PDZD2: variants seen among roughly 807,000 people sequenced by gnomAD.
PDZD2 encodes the protein PDZ domain containing 2.
In PDZD2, 90 loss-of-function variants were observed where a neutral mutation model predicts 220.7. The observed-to-expected ratio is 0.41, with a 90% confidence interval of 0.34 to 0.49. The LOEUF (loss-of-function observed/expected upper bound fraction) is 0.49. Among genes scored for constraint, PDZD2 ranks in the 20% least tolerant of loss-of-function variants. PDZD2 has a pLI of 0.28. For synonymous variants in PDZD2, 1,375 were observed against 1,450.5 expected, an observed-to-expected ratio of 0.95 and a Z score of 1.18; for missense variants, 3,174 against 3,608.5, an observed-to-expected ratio of 0.88 and a Z score of 3.08.
chr5:31,802,415 A>G (rs923591273), intron 2 of PDZD2, among the ~76,000 whole-genome samples: 12 of 152,176 alleles, frequency 7.9e-5, no homozygotes, highest in African/African-American at 2.9e-4. Context: ...CAAATGTCCT[A>G]TTCGGTGCAA....
chr5:32,055,712 T>A (rs1366474938), intron 10 of PDZD2, among the ~76,000 whole-genome samples: 1 of 152,310 alleles, frequency 6.6e-6, no homozygotes, highest in East Asian at 1.9e-4. Flanking sequence ...GAATCTCCTA[T>A]TTTTTAGGCA....
chr5:32,039,105 T>G (rs1055032438), intron 7 of PDZD2, among the ~76,000 whole-genome samples: 1 of 151,632 alleles, frequency 6.6e-6, no homozygotes, highest in Non-Finnish European at 1.5e-5. Context: ...TCTCCCCCTC[T>G]CCCCCTCTCC....
Position 31,912,044 on chromosome 5 carries a change from G to GGCCCCA in PDZD2, c.477-71095_477-71090dup, listed in dbSNP as rs375168725. On this transcript the variant is annotated intron_variant, in intron 2 of 24. Coordinates refer to ENST00000438447, the MANE Select transcript of PDZD2 (RefSeq NM_178140.4). ...GCCGTACTTAATCCACCCTGGCCCC[G>GGCCCCA]GCCCCAGCCCCAGCCCCAGCCTTGG... is the stretch of plus-strand genomic sequence containing the variant. 4.5e-3 allele frequency among the ~76,000 whole-genome samples: 680 copies of GGCCCCA among 152,152 alleles called. 3 individuals are homozygous for GGCCCCA. Among genetic ancestry groups the GGCCCCA allele is most frequent in the African/African-American group, 0.013 (528 of 41,496 alleles).
chr5:31,850,224 AAG>A (rs1491147417), intron 2 of PDZD2, among the ~76,000 whole-genome samples: 1,927 of 62,016 alleles, frequency 0.031, 59 homozygotes, highest in African/African-American at 0.16. Context: ...GTATATATAT[AAG>A]TATATATATA....
chr5:32,091,885 G>C (rs1743189149), intron 20 of PDZD2, among the ~76,000 whole-genome samples: 2 of 152,176 alleles, frequency 1.3e-5, no homozygotes, highest in African/African-American at 4.8e-5. Flanking sequence ...AGCAACATGA[G>C]AGGGGCATGC....
intron 1 of PDZD2, among the ~76,000 whole-genome samples, chr5:31,794,375 T>C (rs1319693056): frequency 6.6e-6 from 1 of 150,714 alleles, no homozygotes; most frequent in Non-Finnish European, 1.5e-5. Context: ...TATTTAATCA[T>C]AGTTGGTTTC....
rs1363375578 is a variant in PDZD2, at chr5:31,706,056, T to C, written c.-361+66619T>C. ...CACAGAGCGAGACTCCATCTCAAAA[T>C]AACAACACCACCACCAAAAATCCTC... On this transcript the variant is annotated intron_variant, in intron 1 of 24. Coordinates refer to ENST00000438447, the MANE Select transcript of PDZD2 (RefSeq NM_178140.4). 7.9e-5 allele frequency among the ~76,000 whole-genome samples: 12 copies of C among 152,170 alleles called. No individual in the cohort carries two copies. The East Asian group carries it at 2.1e-3, about 27-fold the overall frequency.
At chr5:31,989,213 G>T (rs563126600) in intron 3 of PDZD2, among the ~76,000 whole-genome samples, 2 of 152,026 alleles carry the variant, frequency 1.3e-5, no homozygotes, top group Non-Finnish European at 2.9e-5. Context: ...CCGTTTTCCA[G>T]TCTCCAGTGT....
At chr5:31,988,947 C>T (rs1484841005) in intron 3 of PDZD2, among the ~76,000 whole-genome samples, 2 of 152,192 alleles carry the variant, frequency 1.3e-5, no homozygotes, top group African/African-American at 2.4e-5. Flanking sequence ...CGGTCTCCTG[C>T]GGTACCCTCT....
chr5:31,692,141 G>T (rs1411965107), intron 1 of PDZD2, among the ~76,000 whole-genome samples: 1 of 146,494 alleles, frequency 6.8e-6, no homozygotes, highest in African/African-American at 2.6e-5. Flanking sequence ...CGGGCTGCAG[G>T]TCCCGAGCCC....
intron 2 of PDZD2, among the ~76,000 whole-genome samples, chr5:31,818,666 A>T (rs1755622771): frequency 6.6e-6 from 1 of 152,242 alleles, no homozygotes; most frequent in Non-Finnish European, 1.5e-5. Flanking sequence ...TATTCATTTT[A>T]GAACAACATA....
intron 1 of PDZD2, among the ~76,000 whole-genome samples, chr5:31,735,448 C>G (rs1015789966): frequency 6.6e-6 from 1 of 152,072 alleles, no homozygotes; most frequent in Non-Finnish European, 1.5e-5. Flanking sequence ...TCTGGTAAAG[C>G]TAACCAAGAA....
At chr5:31,762,391 G>C (rs1236065768) in intron 1 of PDZD2, among the ~76,000 whole-genome samples, 4 of 152,226 alleles carry the variant, frequency 2.6e-5, no homozygotes, top group Admixed American at 2.0e-4. Context: ...GGGTTCAAGC[G>C]ATTCTCCTTC....
chr5:31,873,075 A>G (rs77883492), intron 2 of PDZD2, among the ~76,000 whole-genome samples: 1,559 of 152,286 alleles, frequency 0.01, 19 homozygotes, highest in Non-Finnish European at 0.017. Flanking sequence ...ACATATCCCT[A>G]TCATTAAGCA....
intron 2 of PDZD2, chr5:31,908,463 T>C (rs1181689637): frequency 6.0e-6 from 5 of 831,054 alleles, no homozygotes; most frequent in African/African-American, 3.5e-5. Flanking sequence ...AGATGGTCTG[T>C]AGGAGAGAGG....
rs369993991 is a variant in PDZD2, at chr5:31,812,881, T to TA, written c.476+13162dup. On this transcript the variant is annotated intron_variant, in intron 2 of 24. Transcript: ENST00000438447. ...CAGGAGTGAGCCACTGCTCCTGGCC[T>TA]AAAAATACTACAATTAATGCAGGTG... Among the ~76,000 whole-genome samples, 63 of 152,264 alleles carry TA rather than the reference T, an allele frequency of 4.1e-4. 1 individual carries two copies. Among genetic ancestry groups the TA allele is most frequent in the Admixed American group, 3.0e-3 (46 of 15,286 alleles).
Position 31,639,572 on chromosome 5 carries a change from G to A in PDZD2, c.-361+135G>A, listed in dbSNP as rs1217469525. ...ATCCGGGTGCGGGAATCCCAGCCCTGGCAGGGCGGGGAGTGAGGACGCCGA... is the reference window on the plus strand; with the variant it reads ...ATCCGGGTGCGGGAATCCCAGCCCTAGCAGGGCGGGGAGTGAGGACGCCGA... On this transcript the variant is annotated intron_variant, in intron 1 of 24. Coordinates refer to ENST00000438447, the MANE Select transcript of PDZD2 (RefSeq NM_178140.4). This position sits in a 1 kb window ranked among gnomAD's most constrained non-coding sequence, Gnocchi z 4.1. The A allele has an allele frequency of 2.0e-5, 3 of 152,190 alleles. No homozygotes were observed. The highest frequency in any genetic ancestry group is 2.9e-5 in the Non-Finnish European group (2 of 68,044). 9.4% of individuals were successfully genotyped at this position (152,190 alleles called of 1,614,324 possible). A position where few individuals can be genotyped will look rare whatever the true frequency, so the allele number is the denominator to read the frequency against.
intron 3 of PDZD2, among the ~76,000 whole-genome samples, chr5:31,994,830 T>G (rs1012802307): frequency 6.6e-6 from 1 of 152,218 alleles, no homozygotes; most frequent in Non-Finnish European, 1.5e-5. Context: ...TATGTGTATA[T>G]ATAAGTAATA....
chr5:31,725,840 G>C, intron 1 of PDZD2: 1 of 805,970 alleles, frequency 1.2e-6, no homozygotes, highest in Non-Finnish European at 2.2e-6. Context: ...CTCATTGCCG[G>C]AATGGCTTCT....
Sources: gnomAD v4.1 joint callset for allele counts (sites outside exome capture counted in the v4.1 genomes callset) on GRCh38, gnomAD v4.1.1 for gene constraint, Gnocchi (gnomAD v3.1) non-coding constraint, MANE v1.5 for transcripts, NCBI Gene and HGNC (gene_info 2026-07-23, HGNC 2026-07-21) for gene names.